USH2A: variants seen among roughly 807,000 people sequenced by gnomAD.
USH2A encodes the protein usherin.
In USH2A, 443 loss-of-function variants were observed where a neutral mutation model predicts 538.9. The ratio of observed to expected loss-of-function variants is 0.82; its 90% confidence interval spans 0.76 to 0.89. USH2A has a LOEUF of 0.89. Ranked by LOEUF, USH2A falls within the 40% of genes least tolerant of loss-of-function variation. The probability of loss-of-function intolerance (pLI) is 0.00; values close to 1 mark genes in which losing one functional copy is unlikely to be tolerated. For synonymous variants in USH2A, 2,413 were observed against 2,273.5 expected, an observed-to-expected ratio of 1.06 and a Z score of -1.75; for missense variants, 6,633 against 6,324.8, an observed-to-expected ratio of 1.05 and a Z score of -1.65.
intron 47 of USH2A, among the ~76,000 whole-genome samples, chr1:215,819,043 T>C (rs1157012564): frequency 6.6e-6 from 1 of 151,858 alleles, no homozygotes; most frequent in Non-Finnish European, 1.5e-5. Flanking sequence ...TTTTTTATGA[T>C]TCTAGAATTT....
intron 61 of USH2A, among the ~76,000 whole-genome samples, chr1:215,697,960 A>G (rs1658872874): frequency 6.6e-6 from 1 of 152,070 alleles, no homozygotes; most frequent in African/African-American, 2.4e-5. Context: ...TATTTCTCCT[A>G]ATGTTACCCC....
At chr1:216,298,502 G>A (rs890854204) in intron 9 of USH2A, among the ~76,000 whole-genome samples, 2 of 152,116 alleles carry the variant, frequency 1.3e-5, no homozygotes, top group Non-Finnish European at 2.9e-5. Flanking sequence ...AATGTTTAAA[G>A]CCAAAGACAA....
chr1:215,743,153 G>T (rs748880827), intron 59 of USH2A, 24 bp downstream of exon 59: 1 of 1,604,994 alleles, frequency 6.2e-7, no homozygotes, highest in South Asian at 1.1e-5. Flanking sequence ...AAAAGCCCAG[G>T]CCAAGTGTCT....
intron 9 of USH2A, among the ~76,000 whole-genome samples, chr1:216,304,765 A>G (rs2037282097): frequency 6.6e-6 from 1 of 151,666 alleles, no homozygotes; most frequent in Admixed American, 6.6e-5. Flanking sequence ...TCTTGATTTC[A>G]TTGTTGACCC....
intron 11 of USH2A, among the ~76,000 whole-genome samples, chr1:216,280,780 G>C (rs2036760105): frequency 6.6e-6 from 1 of 152,134 alleles, no homozygotes; most frequent in South Asian, 2.1e-4. Context: ...AATGACAAGT[G>C]CCAAAGGGAA....
In USH2A at chr1:216,246,905, A is replaced by C; in HGVS notation, c.2489T>G (p.Leu830Trp). 2 of 1,614,154 alleles carry C rather than the reference A, an allele frequency of 1.2e-6. No individual in the cohort carries two copies. Among genetic ancestry groups the C allele is most frequent in the Non-Finnish European group, 1.7e-6 (2 of 1,179,992 alleles). ...TTGCCGTAGGTAGAAGTTTCCCTCCAAACATTTATTGCACTGTCTCCCTTC... is the reference window on the plus strand; with the variant it reads ...TTGCCGTAGGTAGAAGTTTCCCTCCCAACATTTATTGCACTGTCTCCCTTC... ...NVEGRQCNKC[L>W]EGNFYLRQNN... Residue 830 changes from leucine to tryptophan, a missense_variant, in exon 13 of 72, where the codon TTG becomes TGG. Transcript: ENST00000307340.
At chr1:215,924,846 G>A (rs188398814) in intron 38 of USH2A, among the ~76,000 whole-genome samples, 52 of 152,028 alleles carry the variant, frequency 3.4e-4, no homozygotes, top group African/African-American at 1.2e-3. Context: ...TTGTGTGTGT[G>A]GGCGTGTGTA....
At chr1:216,150,568 C>T (rs551655905) in intron 21 of USH2A, among the ~76,000 whole-genome samples, 5 of 152,276 alleles carry the variant, frequency 3.3e-5, no homozygotes, top group African/African-American at 7.2e-5. Flanking sequence ...TCCCGTCTCC[C>T]TACACCTCCG....
chr1:215,651,678 G>A (rs558443855), intron 64 of USH2A, among the ~76,000 whole-genome samples: 349 of 147,806 alleles, frequency 2.4e-3, no homozygotes, highest in Non-Finnish European at 3.8e-3. Context: ...AAAAAAAAAA[G>A]CATGCAGAAT....
Position 216,050,574 on chromosome 1 carries a change from T to C in USH2A, c.6050-1927A>G, listed in dbSNP as rs545336675. ...AATTTGTATCTTTTTCTTTCTTTCT[T>C]TCTTTCTTTCTTTCTTTCTTTCTTT... is the stretch of plus-strand genomic sequence containing the variant. On this transcript the variant is annotated intron_variant, in intron 30 of 71. Transcript: ENST00000307340. 1.2e-3 allele frequency among the ~76,000 whole-genome samples: 55 copies of C among 46,028 alleles called. 1 individual carries two copies. Among genetic ancestry groups the C allele is most frequent in the African/African-American group, 4.1e-3 (53 of 12,862 alleles). The allele number at this position is 46,028 out of a possible 152,430, so 30.2% of individuals were successfully genotyped here.
chr1:216,362,415 T>TG (rs762127288), intron 4 of USH2A, among the ~76,000 whole-genome samples: 3 of 151,840 alleles, frequency 2.0e-5, no homozygotes, highest in Non-Finnish European at 4.4e-5. Flanking sequence ...ATGTCAAGGG[T>TG]GAAAAAAAAG....
intron 58 of USH2A, among the ~76,000 whole-genome samples, chr1:215,746,266 G>T (rs546455198): frequency 2.6e-5 from 4 of 151,856 alleles, no homozygotes; most frequent in Non-Finnish European, 4.4e-5. Context: ...AGCGAGTGTG[G>T]GTGTGTGTGT....
intron 49 of USH2A, among the ~76,000 whole-genome samples, chr1:215,801,024 G>C: frequency 6.6e-6 from 1 of 151,064 alleles, no homozygotes; most frequent in South Asian, 2.1e-4. Context: ...GAACAAAGGG[G>C]AAAAAAAAGA....
At chr1:216,367,616 T>G (rs1050959984) in intron 3 of USH2A, among the ~76,000 whole-genome samples, 1 of 152,098 alleles carries the variant, frequency 6.6e-6, no homozygotes, top group African/African-American at 2.4e-5. Flanking sequence ...TATTTTCACT[T>G]TATAGGTACT....
At chr1:216,044,513 G>C (rs1035806666) in intron 32 of USH2A, among the ~76,000 whole-genome samples, 1 of 152,034 alleles carries the variant, frequency 6.6e-6, no homozygotes, top group African/African-American at 2.4e-5. Flanking sequence ...GATACTGTTG[G>C]AGTAAGATTA....
intron 3 of USH2A, among the ~76,000 whole-genome samples, chr1:216,402,482 C>T (rs1367933256): frequency 6.6e-6 from 1 of 152,036 alleles, no homozygotes; most frequent in African/African-American, 2.4e-5. Context: ...CCTGAGACAA[C>T]AAGGCCAACC....
intron 37 of USH2A, among the ~76,000 whole-genome samples, chr1:215,954,912 C>T (rs1304041583): frequency 6.6e-6 from 1 of 152,022 alleles, no homozygotes; most frequent in Non-Finnish European, 1.5e-5. Context: ...TCAAATCCAC[C>T]ACAATTTTAC....
Position 215,826,434 on chromosome 1 carries a change from A to G in USH2A, c.9372-9239T>C, listed in dbSNP as rs571995438. Among the ~76,000 whole-genome samples the G allele has an allele frequency of 2.6e-4, 40 of 152,344 alleles. No homozygotes were observed. In the South Asian group the frequency reaches 7.9e-3, roughly 30 times the overall value. On this transcript the variant is annotated intron_variant, in intron 47 of 71. Coordinates refer to ENST00000307340, the MANE Select transcript of USH2A (RefSeq NM_206933.4). ...TGTCAAACAGTGATGGCAGTGAAGT[A>G]ATAAAATTGAAAGGGAACATATTTG...
intron 3 of USH2A, among the ~76,000 whole-genome samples, chr1:216,396,247 TG>T (rs147963487): frequency 0.034 from 5,244 of 152,334 alleles, 125 homozygotes; most frequent in Middle Eastern, 0.078. Context: ...TGATATTCAA[TG>T]TTTGAAGCTT....
Sources: gnomAD v4.1 joint callset for allele counts (sites outside exome capture counted in the v4.1 genomes callset) on GRCh38, gnomAD v4.1.1 for gene constraint, MANE v1.5 for transcripts, NCBI Gene and HGNC (gene_info 2026-07-23, HGNC 2026-07-21) for gene names.